ACBD3: variants seen among roughly 807,000 people sequenced by gnomAD.
ACBD3 encodes Golgi resident protein GCP60.
In ACBD3, 30 loss-of-function variants were observed where a neutral mutation model predicts 66.9. The ratio of observed to expected loss-of-function variants is 0.45; its 90% CI spans 0.34 to 0.61. The LOEUF is 0.61. ACBD3 is among the 20% of genes least tolerant of loss of function. ACBD3 has a pLI of 0.02. For synonymous variants in ACBD3, 278 were observed against 259.8 expected, an observed-to-expected ratio of 1.07 and a Z score of -0.68; for missense variants, 544 against 664.5, an observed-to-expected ratio of 0.82 and a Z score of 1.99.
At chr1:226,168,817 C>CTAT (rs10641912) in intron 1 of ACBD3, among the ~76,000 whole-genome samples, 96,277 of 151,730 alleles carry the variant, frequency 0.63, 30,772 homozygotes, top group African/African-American at 0.7. Flanking sequence ...TCTTACACTA[C>CTAT]GTCACAGGTA....
At chr1:226,163,682 T>C (rs1055536315) in intron 3 of ACBD3, among the ~76,000 whole-genome samples, 18 of 152,220 alleles carry the variant, frequency 1.2e-4, no homozygotes, top group Admixed American at 2.6e-4. Flanking sequence ...TCATATTAAA[T>C]GACCCCTGAC....
intron 1 of ACBD3, among the ~76,000 whole-genome samples, chr1:226,167,189 T>C (rs77749027): frequency 0.022 from 3,311 of 152,298 alleles, 48 homozygotes; most frequent in Non-Finnish European, 0.032. Flanking sequence ...CCTTTTAACA[T>C]GATCATGCAT....
At chr1:226,162,170 C>T (rs549859604) in intron 3 of ACBD3, among the ~76,000 whole-genome samples, 121 of 151,746 alleles carry the variant, frequency 8.0e-4, no homozygotes, top group Non-Finnish European at 1.2e-3. Flanking sequence ...ACTCGACAAA[C>T]GTGTACAGAA....
intron 7 of ACBD3, among the ~76,000 whole-genome samples, chr1:226,148,816 A>G (rs963351034): frequency 2.6e-5 from 4 of 152,242 alleles, no homozygotes; most frequent in Non-Finnish European, 1.5e-5. Flanking sequence ...GTAGCTTCTA[A>G]GGCATATGGA....
At chr1:226,182,508 C>T (rs977279680) in intron 1 of ACBD3, among the ~76,000 whole-genome samples, 7 of 151,840 alleles carry the variant, frequency 4.6e-5, no homozygotes, top group African/African-American at 1.2e-4. Flanking sequence ...CAGCTACTCA[C>T]GAGGCTGAGG....
intron 1 of ACBD3, among the ~76,000 whole-genome samples, chr1:226,178,036 T>A (rs185144395): frequency 6.6e-6 from 1 of 151,668 alleles, no homozygotes; most frequent in Non-Finnish European, 1.5e-5. Flanking sequence ...CGTGAGCCAC[T>A]ACACCCAGCC....
intron 4 of ACBD3, 89 bp from the exon 5 acceptor site, chr1:226,159,447 C>A: frequency 1.6e-6 from 2 of 1,261,996 alleles, no homozygotes; most frequent in South Asian, 1.5e-5. Flanking sequence ...CTTTTACAGT[C>A]TGTAACTCTT....
rs909559800 is a variant in ACBD3, at chr1:226,165,945, T to C, written c.342A>G (p.Ala114=). 1.8e-5 allele frequency: 29 copies of C among 1,612,082 alleles called. No individual in the cohort carries two copies. Among genetic ancestry groups the C allele is most frequent in the Non-Finnish European group, 2.5e-5 (29 of 1,179,574 alleles). The change falls in exon 2 of 8, where the codon GCA becomes GCG. Residue 114 remains alanine, a synonymous_variant. Transcript: ENST00000366812. ...GGCCCATAAGAACTTGCTTATGCAG[T>C]GCCACAAGCTTCAATTTTTCTTCAT... ...PTYEEKLKLV[A]LHKQVLMGPY...
At chr1:226,179,390 T>TG (rs1656122022) in intron 1 of ACBD3, among the ~76,000 whole-genome samples, 1 of 152,136 alleles carries the variant, frequency 6.6e-6, no homozygotes, top group Non-Finnish European at 1.5e-5. Context: ...ATCCACGGCT[T>TG]GTTTGAGGTG....
rs540308581 is a variant in ACBD3 at position 226,172,721 on chromosome 1, G to C, written c.287-6721C>G. On this transcript the variant is annotated intron_variant, in intron 1 of 7. Transcript: ENST00000366812. ...ACACTTTGGGAGGCTGAAGGGGGAG[G>C]ATCACTTGAGTCCAGGAGTTTGAGA... is the stretch of plus-strand genomic sequence containing the variant. Among the ~76,000 whole-genome samples the C allele has an allele frequency of 2.0e-5, 3 of 152,202 alleles. No individual in the cohort carries two copies. The South Asian group carries it at 6.2e-4, about 32-fold the overall frequency.
chr1:226,169,064 T>C (rs922280318), intron 1 of ACBD3, among the ~76,000 whole-genome samples: 1 of 152,130 alleles, frequency 6.6e-6, no homozygotes, highest in Middle Eastern at 3.4e-3. Flanking sequence ...GGTTTCACCA[T>C]GTTAGCCAGG....
chr1:226,147,141 C>T (rs1424088485), intron 7 of ACBD3, among the ~76,000 whole-genome samples: 2 of 152,230 alleles, frequency 1.3e-5, no homozygotes, highest in South Asian at 2.1e-4. Flanking sequence ...CCACCTGCCT[C>T]GGCCTCCCAA....
chr1:226,147,840 C>T (rs1320781219), intron 7 of ACBD3, among the ~76,000 whole-genome samples: 1 of 152,130 alleles, frequency 6.6e-6, no homozygotes, highest in African/African-American at 2.4e-5. Context: ...GAACCAGCTT[C>T]GAAGTCACAG....
intron 1 of ACBD3, among the ~76,000 whole-genome samples, chr1:226,167,127 T>C (rs1659891680): frequency 6.6e-6 from 1 of 152,168 alleles, no homozygotes; most frequent in South Asian, 2.1e-4. Context: ...CTTTTAAAAA[T>C]AATTTTTAGC....
rs180969293 is a variant in ACBD3 at position 226,159,214 on chromosome 1, C to T, written c.873G>A (p.Gln291=). ...GCTGTGCAAGCTGGACTTGATACAA[C>T]TGCTGCATGTACTGCTGATAGTGTT... ...QEQHYQQYMQ[Q]LYQVQLAQQQ... is the part of the protein sequence containing the mutation. Residue 291 remains glutamine, a synonymous_variant, in exon 5 of 8, where the codon CAG becomes CAA. Transcript: ENST00000366812. The T allele has an allele frequency of 5.0e-6, 8 of 1,614,198 alleles. No individual in the cohort carries two copies. The Admixed American group carries it at 5.0e-5, about 10-fold the overall frequency.
intron 1 of ACBD3, among the ~76,000 whole-genome samples, chr1:226,184,454 A>C (rs1180314060): frequency 2.0e-5 from 3 of 152,178 alleles, no homozygotes; most frequent in Non-Finnish European, 2.9e-5. Flanking sequence ...GGTGACTAAC[A>C]CCTAGGCCCC....
At position 226,146,554 on chromosome 1, in the gene ACBD3, C is replaced by T. The variant is rs1659455125; in HGVS notation, c.*56G>A. Reference sequence around the variant, plus strand: ...CTCCACAAAAGTAAAAAGAAATTTCCAAATTAAATGTCATCTTCTGCCCAA... The same window carrying T: ...CTCCACAAAAGTAAAAAGAAATTTCTAAATTAAATGTCATCTTCTGCCCAA... On this transcript the variant is annotated 3_prime_UTR_variant, in exon 8 of 8. Transcript: ENST00000366812. The T allele has an allele frequency of 6.7e-7, 1 of 1,484,366 alleles. No homozygotes were observed. Among genetic ancestry groups the T allele is most frequent in the Non-Finnish European group, 9.3e-7 (1 of 1,073,244 alleles). 91.9% of individuals were successfully genotyped at this position (1,484,366 alleles called of 1,614,324 possible). A position where few individuals can be genotyped will look rare whatever the true frequency, so the allele number is the denominator to read the frequency against.
At chr1:226,177,329 C>A (rs1438487219) in intron 1 of ACBD3, among the ~76,000 whole-genome samples, 2 of 150,914 alleles carry the variant, frequency 1.3e-5, no homozygotes, top group African/African-American at 4.9e-5. Flanking sequence ...TCCCAAGTAG[C>A]TGGGACTACA....
Position 226,152,461 on chromosome 1 carries a change from A to G in ACBD3, c.1249T>C (p.Phe417Leu), listed in dbSNP as rs1659595446. Residue 417 changes from phenylalanine (F) to leucine (L), a missense_variant, in exon 7 of 8, where the codon TTT becomes CTT. Transcript: ENST00000366812. Reference protein sequence around the residue: ...VPTHEEGSYLFWEFATDNYDI... With the variant: ...VPTHEEGSYLLWEFATDNYDI... ...TAATTGTCTGTGGCAAATTCCCAAA[A>G]GAGATATGATCCTTCTTCATGGGTG... 6.2e-7 allele frequency: 1 copy of G among 1,614,068 alleles called. No individual in the cohort carries two copies. The highest frequency in any genetic ancestry group is 1.3e-5 in the African/African-American group (1 of 74,920).
Sources: allele counts gnomAD v4.1 joint callset (sites outside exome capture counted in the v4.1 genomes callset), GRCh38; gene constraint gnomAD v4.1.1; transcripts MANE v1.5; gene names NCBI Gene and HGNC (gene_info 2026-07-23, HGNC 2026-07-21).